SRRM4: variants seen among roughly 807,000 people sequenced by gnomAD.
SRRM4 encodes the protein serine/arginine repetitive matrix protein 4.
Under a neutral mutation model 68.9 loss-of-function variants are expected in SRRM4, and 33 were observed. The observed-to-expected ratio is 0.48, with a 90% CI of 0.36 to 0.64. The LOEUF (loss-of-function observed/expected upper bound fraction) is 0.64, where lower values mean the gene tolerates loss of function less well. Among genes scored for constraint, SRRM4 ranks in the 30% least tolerant of loss-of-function variants. SRRM4 has a pLI of 0.00. For missense variants in SRRM4, 817 were observed against 827.1 expected, an observed-to-expected ratio of 0.99 and a Z score of 0.15; for synonymous variants, 318 against 318.8, an observed-to-expected ratio of 1.00 and a Z score of 0.03.
At chr12:119,062,430 T>G (rs541869950) in intron 1 of SRRM4, among the ~76,000 whole-genome samples, 2 of 152,364 alleles carry the variant, frequency 1.3e-5, no homozygotes, top group South Asian at 4.1e-4. Context: ...AGCTTACTTG[T>G]GCTTTTTGGG....
chr12:119,010,773 A>G (rs913756285), intron 1 of SRRM4, among the ~76,000 whole-genome samples: 1 of 152,244 alleles, frequency 6.6e-6, no homozygotes, highest in African/African-American at 2.4e-5. Flanking sequence ...ATCTGCAAAC[A>G]GCCCAGATGC....
intron 1 of SRRM4, among the ~76,000 whole-genome samples, chr12:119,029,392 C>T (rs1438392356): frequency 6.6e-6 from 1 of 152,140 alleles, no homozygotes; most frequent in East Asian, 1.9e-4. Flanking sequence ...CGTGTGATTG[C>T]CAAGATAAGA....
intron 2 of SRRM4, among the ~76,000 whole-genome samples, chr12:119,105,251 G>T (rs1256601776): frequency 1.3e-5 from 2 of 151,972 alleles, no homozygotes; most frequent in Non-Finnish European, 2.9e-5. Context: ...CCAAGTCTTT[G>T]CTATTGTGAA....
intron 7 of SRRM4, among the ~76,000 whole-genome samples, chr12:119,127,868 T>A (rs1261059450): frequency 6.6e-6 from 1 of 152,198 alleles, no homozygotes; most frequent in Non-Finnish European, 1.5e-5. Flanking sequence ...AGATTTTCAA[T>A]ACATTTTCTC....
At chr12:119,021,515 T>C (rs1953515519) in intron 1 of SRRM4, among the ~76,000 whole-genome samples, 1 of 152,214 alleles carries the variant, frequency 6.6e-6, no homozygotes, top group Non-Finnish European at 1.5e-5. Flanking sequence ...GGACCCAAGA[T>C]GTCTGTGTGC....
intron 1 of SRRM4, among the ~76,000 whole-genome samples, chr12:119,101,231 C>T (rs939592720): frequency 1.3e-5 from 2 of 152,252 alleles, no homozygotes; most frequent in African/African-American, 4.8e-5. Flanking sequence ...TCACCAAATA[C>T]GCCTGTGACT....
At chr12:119,061,504 A>G (rs1037893246) in intron 1 of SRRM4, among the ~76,000 whole-genome samples, 1 of 152,166 alleles carries the variant, frequency 6.6e-6, no homozygotes, top group South Asian at 2.1e-4. Context: ...TATTGAACCT[A>G]CTAGTTACAT....
rs928420109 is a variant in SRRM4, at chr12:119,096,325, G to A, written c.132-5911G>A. On this transcript the variant is annotated intron_variant, in intron 1 of 12. Transcript: ENST00000267260. ...TGGGATTACAGGTGTGAGCCACCAC[G>A]CCCGGCCTCTCAGTTGATTCTTATA... Among the ~76,000 whole-genome samples, 4 of 151,748 alleles carry A rather than the reference G, an allele frequency of 2.6e-5. No individual in the cohort carries two copies. The East Asian group carries it at 5.8e-4, about 22-fold the overall frequency.
intron 1 of SRRM4, among the ~76,000 whole-genome samples, chr12:119,094,684 C>T (rs1337723200): frequency 6.6e-6 from 1 of 152,232 alleles, no homozygotes; most frequent in Non-Finnish European, 1.5e-5. Context: ...GACCACCTGC[C>T]CACATTCCCC....
At chr12:118,996,839 A>T (rs999826684) in intron 1 of SRRM4, among the ~76,000 whole-genome samples, 13 of 152,194 alleles carry the variant, frequency 8.5e-5, no homozygotes, top group African/African-American at 3.1e-4. Context: ...TGGAGCAAAA[A>T]ATGTCACTTG....
At position 119,154,437 on chromosome 12, in the gene SRRM4, C is replaced by A; in HGVS notation, c.1532+54C>A. 6.3e-7 allele frequency: 1 copy of A among 1,589,826 alleles called. No individual in the cohort carries two copies. Among genetic ancestry groups the A allele is most frequent in the Non-Finnish European group, 8.6e-7 (1 of 1,165,538 alleles). On this transcript the variant is annotated intron_variant, in intron 12 of 12. Transcript: ENST00000267260. This position sits in a 1 kb window ranked among gnomAD's most constrained non-coding sequence, Gnocchi z 4.7. The stretch of plus-strand genomic sequence containing the variant: ...CTTCATCCTCGTTCCCACTCCCATT[C>A]TTACTCATTCGAGCCTCAGGCTCTC...
At chr12:119,067,049 T>A (rs552133400) in intron 1 of SRRM4, among the ~76,000 whole-genome samples, 1 of 152,322 alleles carries the variant, frequency 6.6e-6, no homozygotes, top group East Asian at 1.9e-4. Flanking sequence ...GCCTCCAGGC[T>A]CTGCCCTTCT....
intron 2 of SRRM4, among the ~76,000 whole-genome samples, chr12:119,106,790 A>G (rs1954110336): frequency 6.6e-6 from 1 of 152,162 alleles, no homozygotes; most frequent in African/African-American, 2.4e-5. Flanking sequence ...TCCTAATTGA[A>G]TACCCTTTAT....
chr12:119,153,587 C>T lies in SRRM4; in HGVS notation c.1329C>T (p.Ser443=), dbSNP rs1471292251. ...ATTCCTCCAAGTCTGGCAAGAGGAG[C>T]CCGCCCAGCAGAAGCTCTAGGTCCC... ...PSYSSKSGKR[S]PPSRSSRSRR... is the part of the protein sequence containing the mutation. The change falls in exon 11 of 13, where the codon AGC becomes AGT. Residue 443 remains serine (S), a synonymous_variant. Coordinates refer to ENST00000267260, the MANE Select transcript of SRRM4 (RefSeq NM_194286.4). The T allele has an allele frequency of 1.9e-6, 3 of 1,577,170 alleles. No individual in the cohort carries two copies. Among genetic ancestry groups the T allele is most frequent in the Non-Finnish European group, 2.6e-6 (3 of 1,162,348 alleles).
chr12:119,142,975 A>G (rs1259365161), intron 8 of SRRM4, among the ~76,000 whole-genome samples: 1 of 152,192 alleles, frequency 6.6e-6, no homozygotes, highest in Non-Finnish European at 1.5e-5. Context: ...TAAAAGTCTC[A>G]CTCTAGAAAA....
At chr12:119,114,400 T>C in intron 3 of SRRM4, 36 bp downstream of exon 3, 1 of 1,547,004 alleles carries the variant, frequency 6.5e-7, no homozygotes, top group South Asian at 1.2e-5. Context: ...ACCTGTAAGA[T>C]GCAGGCAGGG....
At chr12:119,092,347 T>C (rs1451736388) in intron 1 of SRRM4, among the ~76,000 whole-genome samples, 1 of 152,178 alleles carries the variant, frequency 6.6e-6, no homozygotes, top group East Asian at 1.9e-4. Flanking sequence ...TCCAGGCTCA[T>C]GTACCCACTT....
chr12:119,096,268 C>T (rs1333636215), intron 1 of SRRM4, among the ~76,000 whole-genome samples: 4 of 150,632 alleles, frequency 2.7e-5, no homozygotes, highest in Non-Finnish European at 3.0e-5. Flanking sequence ...TTCCTGACCT[C>T]GTAATCCGCC....
intron 1 of SRRM4, among the ~76,000 whole-genome samples, chr12:119,017,827 T>A (rs1953491431): frequency 6.6e-6 from 1 of 152,172 alleles, no homozygotes; most frequent in Admixed American, 6.5e-5. Flanking sequence ...TCTCAGCTTA[T>A]CTGCTCCCAC....
Sources: allele counts gnomAD v4.1 joint callset (sites outside exome capture counted in the v4.1 genomes callset), GRCh38; gene constraint gnomAD v4.1.1; non-coding constraint Gnocchi (gnomAD v3.1); transcripts MANE v1.5; gene names NCBI Gene and HGNC (gene_info 2026-07-23, HGNC 2026-07-21).